Variants in ANKRD11 observed in about 807,000 individuals in gnomAD.
ANKRD11 encodes the protein ankyrin repeat domain-containing protein 11.
ANKRD11 carries 17 observed loss-of-function variants against 195.7 expected under a neutral mutation model. That is an observed-to-expected ratio of 0.09 (90% CI 0.06 to 0.13). The LOEUF (loss-of-function observed/expected upper bound fraction) is 0.13, where lower values mean the gene tolerates loss of function less well. Among genes scored for constraint, ANKRD11 ranks in the 10% least tolerant of loss-of-function variants. ANKRD11 has a pLI of 1.00. For missense variants in ANKRD11, 3,735 were observed against 3,566.1 expected (o/e 1.05, Z -1.21); for synonymous variants, 1,953 against 1,528.1 (o/e 1.28, Z -6.49).
chr16:89,371,882 G>A (rs767826499), intron 2 of ANKRD11, among the ~76,000 whole-genome samples: 4 of 152,232 alleles, frequency 2.6e-5, no homozygotes, highest in South Asian at 2.1e-4. Flanking sequence ...CCTGGTGACC[G>A]TGTGACTCCA....
intron 1 of ANKRD11, among the ~76,000 whole-genome samples, chr16:89,435,429 T>A (rs2043173135): frequency 6.6e-6 from 1 of 152,080 alleles, no homozygotes; most frequent in South Asian, 2.1e-4. Flanking sequence ...TCACAATAAA[T>A]CTTGCTGCTG....
intron 2 of ANKRD11, among the ~76,000 whole-genome samples, chr16:89,398,878 C>T (rs1188694185): frequency 6.6e-6 from 1 of 152,168 alleles, no homozygotes; most frequent in African/African-American, 2.4e-5. Context: ...CAGTGGCAGG[C>T]ACATGGCTCA....
intron 1 of ANKRD11, among the ~76,000 whole-genome samples, chr16:89,428,503 T>C (rs542237487): frequency 1.6e-4 from 24 of 149,790 alleles, no homozygotes; most frequent in African/African-American, 2.5e-4. Context: ...CCAGCCTGGG[T>C]GACAGAGCGA....
intron 4 of ANKRD11, among the ~76,000 whole-genome samples, chr16:89,294,727 T>C (rs561602672): frequency 1.3e-5 from 2 of 152,334 alleles, no homozygotes; most frequent in African/African-American, 4.8e-5. Context: ...CCCGTACCTG[T>C]ACCTGCACTG....
In ANKRD11 at chr16:89,280,523, G is replaced by A. The variant is rs1471466543; in HGVS notation, c.6019C>T (p.Pro2007Ser). Residue 2007 changes from proline to serine, a missense_variant, in exon 9 of 13, where the codon CCC becomes TCC. Transcript: ENST00000301030. ...TACGGCGCCTCCGAGGCGCTGAAGG[G>A]CCCTGGGGCGGCAGAGTGGAGGGGG... is the stretch of plus-strand genomic sequence containing the variant. ...ADPLHSAAPG[P>S]FSASEAPYPA... 2 of 1,611,660 alleles carry A rather than the reference G, an allele frequency of 1.2e-6. No individual in the cohort carries two copies. Among genetic ancestry groups the A allele is most frequent in the Admixed American group, 1.7e-5 (1 of 59,932 alleles).
intron 1 of ANKRD11, among the ~76,000 whole-genome samples, chr16:89,428,770 T>A (rs553047344): frequency 1.3e-5 from 2 of 152,050 alleles, no homozygotes; most frequent in African/African-American, 4.8e-5. Flanking sequence ...GGCAGGCGCC[T>A]GTAGTCCCAG....
At chr16:89,391,896 C>G (rs953305511) in intron 2 of ANKRD11, among the ~76,000 whole-genome samples, 2 of 152,256 alleles carry the variant, frequency 1.3e-5, no homozygotes, top group East Asian at 3.8e-4. Flanking sequence ...TTAGCTCCCA[C>G]AATTTAGCCT....
At chr16:89,286,251 T>A in intron 7 of ANKRD11, 65 bp from the exon 8 acceptor site, 3 of 1,596,280 alleles carry the variant, frequency 1.9e-6, no homozygotes, top group Non-Finnish European at 2.6e-6. Context: ...CCGTTCCGCA[T>A]AACACGGCAG....
chr16:89,471,164 C>T (rs938243011), intron 1 of ANKRD11, among the ~76,000 whole-genome samples: 3 of 151,666 alleles, frequency 2.0e-5, no homozygotes, highest in Non-Finnish European at 4.4e-5. Flanking sequence ...ATCAGCCTGA[C>T]AGCAGAGTGA....
intron 7 of ANKRD11, chr16:89,287,207 G>A: frequency 1.2e-6 from 1 of 830,350 alleles, no homozygotes; most frequent in Non-Finnish European, 1.7e-6. Context: ...CTCCTCTAAG[G>A]CCAGCAGCGC....
At position 89,435,798 on chromosome 16, in the gene ANKRD11, A is replaced by T. The variant is rs553658635; in HGVS notation, c.-144-17430T>A. ...ACGCACCCACAGCCACCAGCTCTTC[A>T]CACACACACACACACACACACACAC... is the stretch of plus-strand genomic sequence containing the variant. On this transcript the variant is annotated intron_variant, in intron 1 of 12. Transcript: ENST00000301030. Among the ~76,000 whole-genome samples, 23 of 121,712 alleles carry T rather than the reference A, an allele frequency of 1.9e-4. No individual in the cohort carries two copies. In the South Asian group the frequency reaches 3.0e-3, roughly 16 times the overall value. 79.8% of individuals were successfully genotyped at this position (121,712 alleles called of 152,430 possible).
At position 89,393,314 on chromosome 16, in the gene ANKRD11, A is replaced by ATT. The variant is rs573197657; in HGVS notation, c.-60+24968_-60+24969dup. ...TCTTTTTTTTACTTTTTTTATTTTT[A>ATT]TTTTTTTTTTTTTTGAGACGGAGGC... On this transcript the variant is annotated intron_variant, in intron 2 of 12. Coordinates refer to ENST00000301030, the MANE Select transcript of ANKRD11 (RefSeq NM_013275.6). Among the ~76,000 whole-genome samples, 826 of 139,322 alleles carry ATT rather than the reference A, an allele frequency of 5.9e-3. 11 individuals carry two copies. The highest frequency in any genetic ancestry group is 0.02 in the African/African-American group (780 of 38,070). The allele number at this position is 139,322 out of a possible 152,430, so 91.4% of individuals were successfully genotyped here. A position where few individuals can be genotyped will look rare whatever the true frequency, so the allele number is the denominator to read the frequency against.
At chr16:89,393,469 G>A (rs189216422) in intron 2 of ANKRD11, among the ~76,000 whole-genome samples, 23 of 149,050 alleles carry the variant, frequency 1.5e-4, no homozygotes, top group Admixed American at 6.0e-4. Context: ...GATTACAGGC[G>A]TGTGCCACCA....
At chr16:89,273,420 G>A (rs535583381) in intron 11 of ANKRD11, among the ~76,000 whole-genome samples, 46 of 152,292 alleles carry the variant, frequency 3.0e-4, no homozygotes, top group African/African-American at 8.7e-4. Flanking sequence ...AAAATCTGTC[G>A]GCTGGGTGCG....
At chr16:89,386,055 A>G (rs994230884) in intron 2 of ANKRD11, among the ~76,000 whole-genome samples, 1 of 152,188 alleles carries the variant, frequency 6.6e-6, no homozygotes, top group African/African-American at 2.4e-5. Context: ...ACTGGGTCCA[A>G]TTTGTCTGCA....
intron 2 of ANKRD11, among the ~76,000 whole-genome samples, chr16:89,386,593 G>GT (rs2040922341): frequency 6.6e-6 from 1 of 152,188 alleles, no homozygotes; most frequent in Admixed American, 6.5e-5. Context: ...GGGGAGGAGT[G>GT]TATCCAAAAG....
intron 2 of ANKRD11, among the ~76,000 whole-genome samples, chr16:89,368,493 T>G (rs1477710363): frequency 6.8e-6 from 1 of 147,184 alleles, no homozygotes; most frequent in Non-Finnish European, 1.5e-5. Flanking sequence ...GTGCTGGGAT[T>G]ACAGGCATGA....
chr16:89,363,781 T>C (rs2039831685), intron 2 of ANKRD11, among the ~76,000 whole-genome samples: 2 of 152,166 alleles, frequency 1.3e-5, no homozygotes, highest in Middle Eastern at 3.4e-3. Context: ...GCTAGCCCTA[T>C]GCGGTGACTC....
intron 4 of ANKRD11, chr16:89,298,764 C>T (rs1324116157): frequency 2.0e-5 from 3 of 152,324 alleles, no homozygotes; most frequent in South Asian, 2.1e-4. Context: ...ACAGCAAGAA[C>T]CTTCCCTTTG....
Sources: allele counts gnomAD v4.1 joint callset (sites outside exome capture counted in the v4.1 genomes callset), GRCh38; gene constraint gnomAD v4.1.1; transcripts MANE v1.5; gene names NCBI Gene and HGNC (gene_info 2026-07-23, HGNC 2026-07-21).